ELF5: variants seen among roughly 807,000 people sequenced by gnomAD.
ELF5 encodes ETS-related transcription factor Elf-5.
Under a neutral mutation model 38.2 loss-of-function variants are expected in ELF5, and 31 were observed. The ratio of observed to expected loss-of-function variants is 0.81; its 90% CI spans 0.61 to 1.10. The LOEUF (loss-of-function observed/expected upper bound fraction) is 1.10. Among genes scored for constraint, ELF5 ranks in the 50% least tolerant of loss-of-function variants. The pLI is 0.00. For missense variants in ELF5, 300 were observed against 306.6 expected (o/e 0.98, Z 0.16); for synonymous variants, 121 against 112.5 (o/e 1.08, Z -0.48).
At chr11:34,500,505 A>G (rs1431399964) in intron 2 of ELF5, among the ~76,000 whole-genome samples, 1 of 152,230 alleles carries the variant, frequency 6.6e-6, no homozygotes, top group East Asian at 1.9e-4. Flanking sequence ...GAAACTGTAT[A>G]GAGAAAACAG....
intron 2 of ELF5, among the ~76,000 whole-genome samples, chr11:34,502,381 G>A (rs944275891): frequency 6.6e-6 from 1 of 152,238 alleles, no homozygotes; most frequent in Non-Finnish European, 1.5e-5. Context: ...AAAGTTGGCT[G>A]AGCAGTGCCC....
At chr11:34,501,362 A>C (rs1344580866) in intron 2 of ELF5, among the ~76,000 whole-genome samples, 1 of 152,186 alleles carries the variant, frequency 6.6e-6, no homozygotes, top group Non-Finnish European at 1.5e-5. Flanking sequence ...AAGTATAAGC[A>C]AGATTCCAAA....
intron 1 of ELF5, among the ~76,000 whole-genome samples, chr11:34,508,371 T>C (rs377683430): frequency 4.6e-5 from 7 of 152,040 alleles, no homozygotes; most frequent in Non-Finnish European, 1.0e-4. Context: ...GGTGTGTTGG[T>C]GCATGCCTGC....
chr11:34,511,611 C>T, intron 1 of ELF5: 2 of 1,613,756 alleles, frequency 1.2e-6, no homozygotes, highest in Non-Finnish European at 1.7e-6. Flanking sequence ...CTTCTGAACC[C>T]TTCTCAGAGC....
Position 34,490,202 on chromosome 11 carries a change from T to C in ELF5, c.356-143A>G. The C allele has an allele frequency of 2.7e-5, 24 of 875,288 alleles. 2 individuals carry two copies. The South Asian group carries it at 3.4e-4, about 12-fold the overall frequency. 54.2% of individuals were successfully genotyped at this position (875,288 alleles called of 1,614,324 possible). On this transcript the variant is annotated intron_variant, in intron 3 of 6. Coordinates refer to ENST00000257832, the MANE Select transcript of ELF5 (RefSeq NM_001422.4). ...AATTTAGAGGGAACCTTGGAGACCA[T>C]CTGGTCTTAGAGTGTCACCCTGAAG... is the stretch of plus-strand genomic sequence containing the variant.
At chr11:34,512,468 G>T (rs1315339072) in intron 1 of ELF5, among the ~76,000 whole-genome samples, 3 of 152,012 alleles carry the variant, frequency 2.0e-5, no homozygotes, top group Non-Finnish European at 4.4e-5. Flanking sequence ...CGAACGTGGG[G>T]CACATTTCTT....
At chr11:34,504,667 C>T (rs186266135) in intron 2 of ELF5, among the ~76,000 whole-genome samples, 5 of 152,352 alleles carry the variant, frequency 3.3e-5, no homozygotes, top group Admixed American at 1.3e-4. Context: ...CTTGCATGAC[C>T]GCTGAGCAGC....
rs557236824 is a variant in ELF5, at chr11:34,498,104, A to G, written c.122-4392T>C. ...TTTTGAATTCCCCTTCAAAGTTGAA[A>G]GGGCACATGGTCTCTCACACTTAGT... On this transcript the variant is annotated intron_variant, in intron 2 of 6. Transcript: ENST00000257832. 1.1e-4 allele frequency among the ~76,000 whole-genome samples: 16 copies of G among 152,320 alleles called. No individual in the cohort carries two copies. In the South Asian group the frequency reaches 2.9e-3, roughly 28 times the overall value.
Position 34,479,963 on chromosome 11 carries a change from G to C in ELF5, c.*255C>G, listed in dbSNP as rs1354066998. ...CATTCCACAACTCTAGGAAAATAAA[G>C]TTTGATCAAGACACCACAAAAGATC... On this transcript the variant is annotated 3_prime_UTR_variant, in exon 7 of 7. Coordinates refer to ENST00000257832, the MANE Select transcript of ELF5 (RefSeq NM_001422.4). The C allele has an allele frequency of 4.5e-6, 2 of 448,660 alleles. No individual in the cohort carries two copies. The highest frequency in any genetic ancestry group is 4.1e-5 in the African/African-American group (2 of 49,212). 27.8% of individuals were successfully genotyped at this position (448,660 alleles called of 1,614,324 possible). A position where few individuals can be genotyped will look rare whatever the true frequency, so the allele number is the denominator to read the frequency against.
At chr11:34,509,476 T>C (rs1255055040) in intron 1 of ELF5, among the ~76,000 whole-genome samples, 1 of 152,188 alleles carries the variant, frequency 6.6e-6, no homozygotes, top group Non-Finnish European at 1.5e-5. Flanking sequence ...TCTTTGCTGA[T>C]GCCTGGAGAG....
intron 4 of ELF5, among the ~76,000 whole-genome samples, chr11:34,485,291 A>T (rs548159467): frequency 2.0e-4 from 31 of 152,366 alleles, no homozygotes; most frequent in African/African-American, 7.0e-4. Context: ...TGTTCAATAG[A>T]CATTTAATGA....
chr11:34,490,073 A>G lies in ELF5; in HGVS notation c.356-14T>C. The G allele has an allele frequency of 6.2e-7, 1 of 1,613,728 alleles. No individual in the cohort carries two copies. Among genetic ancestry groups the G allele is most frequent in the South Asian group, 1.1e-5 (1 of 91,078 alleles). ...AAAAGGAGTAACCTGGGAAAGAAAA[A>G]GAAATCCAGAAACCATACCATGCAA... On this transcript the variant is annotated splice_polypyrimidine_tract_variant and intron_variant, in intron 3 of 6. Coordinates refer to ENST00000257832, the MANE Select transcript of ELF5 (RefSeq NM_001422.4).
intron 1 of ELF5, among the ~76,000 whole-genome samples, chr11:34,508,482 G>T (rs557086536): frequency 4.0e-5 from 6 of 151,464 alleles, no homozygotes; most frequent in Non-Finnish European, 7.4e-5. Flanking sequence ...CAGCCTGGGC[G>T]ACAGAGCAAG....
chr11:34,494,972 T>C (rs1354157282), intron 2 of ELF5, among the ~76,000 whole-genome samples: 1 of 152,170 alleles, frequency 6.6e-6, no homozygotes, highest in Non-Finnish European at 1.5e-5. Flanking sequence ...AGCCACACGT[T>C]GTATGTTAAG....
At chr11:34,510,646 G>GC (rs1850729248) in intron 1 of ELF5, among the ~76,000 whole-genome samples, 1 of 152,130 alleles carries the variant, frequency 6.6e-6, no homozygotes, top group Admixed American at 6.5e-5. Context: ...GGGTGATATT[G>GC]CCCCCCTCTT....
At chr11:34,511,933 T>C in intron 1 of ELF5, 1 of 271,046 alleles carries the variant, frequency 3.7e-6, no homozygotes, top group South Asian at 5.8e-5. Context: ...AAATCATCAC[T>C]GGGCAGAACT....
intron 1 of ELF5, among the ~76,000 whole-genome samples, chr11:34,509,355 G>A (rs912188681): frequency 6.6e-6 from 1 of 152,078 alleles, no homozygotes; most frequent in African/African-American, 2.4e-5. Context: ...CAACAAAAAC[G>A]TGCATGAGAA....
At chr11:34,498,518 C>A (rs926002402) in intron 2 of ELF5, among the ~76,000 whole-genome samples, 1 of 152,128 alleles carries the variant, frequency 6.6e-6, no homozygotes. Context: ...ATGCTGCCAT[C>A]TTTGGTTTAA....
intron 4 of ELF5, among the ~76,000 whole-genome samples, chr11:34,489,503 T>A (rs1850104024): frequency 1.3e-5 from 2 of 152,202 alleles, no homozygotes; most frequent in Non-Finnish European, 2.9e-5. Flanking sequence ...GCCTTCTTCA[T>A]CTGCCCAAGT....
Sources: gnomAD v4.1 joint callset for allele counts (sites outside exome capture counted in the v4.1 genomes callset) on GRCh38, gnomAD v4.1.1 for gene constraint, MANE v1.5 for transcripts, NCBI Gene and HGNC (gene_info 2026-07-23, HGNC 2026-07-21) for gene names.